ARFGEF3: variants seen among roughly 807,000 people sequenced by gnomAD.
The protein encoded by ARFGEF3 is brefeldin A-inhibited guanine nucleotide-exchange protein 3.
A neutral mutation model predicts 221.7 loss-of-function variants in ARFGEF3; 96 were observed. The observed-to-expected ratio is 0.43, with a 90% CI of 0.37 to 0.51. ARFGEF3 has a LOEUF of 0.51. ARFGEF3 is among the 20% of genes least tolerant of loss of function. The pLI is 0.00. For missense variants in ARFGEF3, 2,410 were observed against 2,789.9 expected (o/e 0.86, Z 3.07); for synonymous variants, 1,145 against 1,126.8 (o/e 1.02, Z -0.32).
intron 25 of ARFGEF3, 144 bp downstream of exon 25, chr6:138,311,654 AT>A (rs1779834852): frequency 1.7e-6 from 1 of 603,768 alleles, no homozygotes; most frequent in Non-Finnish European, 2.9e-6. Context: ...TGGAGTATAC[AT>A]TTTTGTCCCT....
intron 20 of ARFGEF3, among the ~76,000 whole-genome samples, chr6:138,295,594 C>T (rs1449818685): frequency 6.7e-6 from 1 of 148,380 alleles, no homozygotes; most frequent in African/African-American, 2.5e-5. Flanking sequence ...TGCACCACTG[C>T]ACTCCAGCCT....
At chr6:138,204,246 G>A (rs746817119) in intron 2 of ARFGEF3, among the ~76,000 whole-genome samples, 190 of 149,542 alleles carry the variant, frequency 1.3e-3, no homozygotes, top group Non-Finnish European at 1.5e-3. Flanking sequence ...GCTGAGGCAG[G>A]AGAGTTGCTT....
At chr6:138,308,889 G>T in intron 24 of ARFGEF3, 28 bp downstream of exon 24, 1 of 1,613,656 alleles carries the variant, frequency 6.2e-7, no homozygotes, top group Non-Finnish European at 8.5e-7. Context: ...CTCATGCCTT[G>T]TAACTGCTGA....
At chr6:138,260,529 G>A (rs1359360605) in intron 10 of ARFGEF3, among the ~76,000 whole-genome samples, 1 of 152,032 alleles carries the variant, frequency 6.6e-6, no homozygotes, top group African/African-American at 2.4e-5. Flanking sequence ...CTTGTGAGAA[G>A]AAATAAATGG....
intron 8 of ARFGEF3, among the ~76,000 whole-genome samples, chr6:138,249,391 G>A (rs536706142): frequency 5.9e-5 from 9 of 152,292 alleles, no homozygotes; most frequent in African/African-American, 1.4e-4. Flanking sequence ...GTGCAGAGGC[G>A]TGATCTGGGC....
At chr6:138,317,598 A>G (rs1002923143) in intron 27 of ARFGEF3, among the ~76,000 whole-genome samples, 2 of 152,228 alleles carry the variant, frequency 1.3e-5, no homozygotes, top group African/African-American at 4.8e-5. Context: ...GGTTACAAGT[A>G]TCGTGTGGTG....
intron 2 of ARFGEF3, among the ~76,000 whole-genome samples, chr6:138,181,437 TTTTTG>T (rs1382950317): frequency 6.6e-6 from 1 of 152,186 alleles, no homozygotes; most frequent in Non-Finnish European, 1.5e-5. Flanking sequence ...TCTTCATTCC[TTTTTG>T]TTTTGTTTTG....
intron 24 of ARFGEF3, among the ~76,000 whole-genome samples, chr6:138,309,767 TAAGAC>T (rs915822402): frequency 2.0e-5 from 3 of 152,194 alleles, no homozygotes; most frequent in African/African-American, 7.2e-5. Flanking sequence ...CCTGTAGTTC[TAAGAC>T]AAGAGAAGGA....
chr6:138,290,065 G>A, intron 18 of ARFGEF3, 97 bp downstream of exon 18: 2 of 1,167,362 alleles, frequency 1.7e-6, no homozygotes, highest in South Asian at 3.2e-5. Flanking sequence ...TTAAGAGCCT[G>A]CCAGCATGTA....
intron 2 of ARFGEF3, among the ~76,000 whole-genome samples, chr6:138,174,970 C>G (rs1315691235): frequency 1.3e-5 from 2 of 152,090 alleles, no homozygotes; most frequent in African/African-American, 4.8e-5. Flanking sequence ...CCATTGATTG[C>G]TCTAAGGACT....
intron 6 of ARFGEF3, among the ~76,000 whole-genome samples, chr6:138,241,338 G>A (rs531544797): frequency 1.6e-4 from 24 of 152,174 alleles, no homozygotes; most frequent in Non-Finnish European, 3.1e-4. Context: ...TGATTCTTCC[G>A]TTACTCCCAT....
At chr6:138,324,551 C>A (rs1010256053) in intron 31 of ARFGEF3, among the ~76,000 whole-genome samples, 2 of 152,174 alleles carry the variant, frequency 1.3e-5, no homozygotes, top group Non-Finnish European at 2.9e-5. Flanking sequence ...CAACACAGAA[C>A]TTAACATTTA....
chr6:138,321,514 CA>C (rs1780027155), intron 29 of ARFGEF3, among the ~76,000 whole-genome samples: 1 of 152,120 alleles, frequency 6.6e-6, no homozygotes, highest in African/African-American at 2.4e-5. Context: ...AAGAGAAACG[CA>C]AATTGAATGT....
intron 2 of ARFGEF3, among the ~76,000 whole-genome samples, chr6:138,204,869 C>G (rs1267517080): frequency 2.6e-5 from 4 of 152,276 alleles, no homozygotes; most frequent in African/African-American, 9.6e-5. Context: ...CAGCCAAAAC[C>G]TAGTTGAACC....
At chr6:138,281,918 C>G (rs979981073) in intron 14 of ARFGEF3, among the ~76,000 whole-genome samples, 1 of 152,084 alleles carries the variant, frequency 6.6e-6, no homozygotes, top group Admixed American at 6.5e-5. Context: ...GGCTCTGAGT[C>G]CCCAGACTGG....
intron 2 of ARFGEF3, among the ~76,000 whole-genome samples, chr6:138,191,436 T>C (rs1167470206): frequency 6.6e-6 from 1 of 152,186 alleles, no homozygotes; most frequent in African/African-American, 2.4e-5. Context: ...ACAGCCTTCC[T>C]TCTGGCATCT....
chr6:138,331,396 T>C (rs527500047), intron 32 of ARFGEF3, among the ~76,000 whole-genome samples: 2 of 152,380 alleles, frequency 1.3e-5, no homozygotes, highest in African/African-American at 4.8e-5. Flanking sequence ...GGGCAATTCT[T>C]AGTTTAGCAT....
intron 4 of ARFGEF3, among the ~76,000 whole-genome samples, chr6:138,212,401 C>G (rs530029182): frequency 1.3e-5 from 2 of 152,170 alleles, no homozygotes; most frequent in African/African-American, 4.8e-5. Flanking sequence ...GAAATAGGAA[C>G]GCTTTTACAC....
At chr6:138,209,800 C>A (rs1777688407) in intron 3 of ARFGEF3, 110 bp from the exon 4 acceptor site, 33 of 1,370,042 alleles carry the variant, frequency 2.4e-5, no homozygotes, top group Non-Finnish European at 3.3e-5. Context: ...TGGCCTCCAG[C>A]TACACGCCTC....
Sources: allele counts gnomAD v4.1 joint callset (sites outside exome capture counted in the v4.1 genomes callset), GRCh38; gene constraint gnomAD v4.1.1; transcripts MANE v1.5; gene names NCBI Gene and HGNC (gene_info 2026-07-23, HGNC 2026-07-21).